The following RFX3 variants were observed in gnomAD, a reference collection of about 807,000 sequenced individuals.
RFX3 encodes the protein transcription factor RFX3.
A neutral mutation model predicts 98.6 loss-of-function variants in RFX3; 14 were observed. That is an observed-to-expected ratio of 0.14 (90% CI 0.09 to 0.22). The LOEUF (loss-of-function observed/expected upper bound fraction) is 0.22. Ranked by LOEUF, RFX3 falls within the 10% of genes least tolerant of loss-of-function variation. The pLI is 1.00. For missense variants in RFX3, 639 were observed against 926.9 expected (o/e 0.69, Z 4.03); for synonymous variants, 383 against 328.4 (o/e 1.17, Z -1.80).
At chr9:3,448,395 T>C (rs975960834) in intron 1 of RFX3, among the ~76,000 whole-genome samples, 1 of 152,186 alleles carries the variant, frequency 6.6e-6, no homozygotes, top group African/African-American at 2.4e-5. Flanking sequence ...AATAATTCCA[T>C]TTCGACCTTT....
At chr9:3,470,529 A>G (rs967851555) in intron 1 of RFX3, among the ~76,000 whole-genome samples, 9 of 150,442 alleles carry the variant, frequency 6.0e-5, no homozygotes, top group Middle Eastern at 3.5e-3. Flanking sequence ...GGGTTTCACC[A>G]TGTTAGCAAG....
intron 1 of RFX3, among the ~76,000 whole-genome samples, chr9:3,422,572 G>C (rs1455057755): frequency 6.6e-6 from 1 of 152,194 alleles, no homozygotes; most frequent in African/African-American, 2.4e-5. Flanking sequence ...GATCTTTTAA[G>C]TGATTTACAG....
intron 2 of RFX3, among the ~76,000 whole-genome samples, chr9:3,383,774 G>A (rs1839431622): frequency 1.3e-5 from 2 of 152,066 alleles, no homozygotes; most frequent in Non-Finnish European, 2.9e-5. Flanking sequence ...TTTCAGGCAG[G>A]GACAGAGTGT....
At chr9:3,302,462 C>T (rs906354874) in intron 4 of RFX3, among the ~76,000 whole-genome samples, 1 of 151,622 alleles carries the variant, frequency 6.6e-6, no homozygotes, top group African/African-American at 2.4e-5. Flanking sequence ...TTGCATGTTG[C>T]ATTAAAAACA....
chr9:3,316,412 G>A (rs1392775788), intron 4 of RFX3, among the ~76,000 whole-genome samples: 1 of 151,940 alleles, frequency 6.6e-6, no homozygotes, highest in Admixed American at 6.6e-5. Context: ...AACCCACAAC[G>A]AATATCATAC....
intron 1 of RFX3, among the ~76,000 whole-genome samples, chr9:3,447,710 T>C (rs1846169156): frequency 6.6e-6 from 1 of 152,172 alleles, no homozygotes. Flanking sequence ...CATGAAGGGA[T>C]AATAGTCTAT....
At chr9:3,344,710 G>A (rs1450123991) in intron 3 of RFX3, 4 of 594,458 alleles carry the variant, frequency 6.7e-6, no homozygotes, top group Admixed American at 3.3e-5. Flanking sequence ...AGACAAAGAT[G>A]AAATGACAAC....
intron 1 of RFX3, among the ~76,000 whole-genome samples, chr9:3,398,516 A>T (rs1841130696): frequency 6.6e-6 from 1 of 152,216 alleles, no homozygotes; most frequent in Admixed American, 6.5e-5. Context: ...GGTCTTTTTC[A>T]GCCTCTCTTG....
At chr9:3,298,355 C>A (rs1409468676) in intron 5 of RFX3, among the ~76,000 whole-genome samples, 1 of 151,736 alleles carries the variant, frequency 6.6e-6, no homozygotes, top group Non-Finnish European at 1.5e-5. Flanking sequence ...ACATATATAT[C>A]TACTTGAAGC....
At chr9:3,444,876 G>A (rs1845902088) in intron 1 of RFX3, among the ~76,000 whole-genome samples, 1 of 152,194 alleles carries the variant, frequency 6.6e-6, no homozygotes, top group African/African-American at 2.4e-5. Flanking sequence ...CTTTTTCTCA[G>A]TCACAGAAAG....
chr9:3,241,784 G>A (rs759940969), intron 15 of RFX3, among the ~76,000 whole-genome samples: 1 of 152,136 alleles, frequency 6.6e-6, no homozygotes, highest in African/African-American at 2.4e-5. Context: ...TTTTCCGGCA[G>A]ATTTAGTTTT....
At chr9:3,363,419 G>A (rs531217547) in intron 2 of RFX3, among the ~76,000 whole-genome samples, 18 of 152,054 alleles carry the variant, frequency 1.2e-4, no homozygotes, top group Non-Finnish European at 2.5e-4. Flanking sequence ...ACTTACTCCC[G>A]GTGTCTATTG....
At chr9:3,522,537 T>C (rs936757638) in intron 1 of RFX3, among the ~76,000 whole-genome samples, 1 of 149,644 alleles carries the variant, frequency 6.7e-6, no homozygotes, top group Admixed American at 6.7e-5. Flanking sequence ...CCTATTACTG[T>C]TCTGGAAAAG....
intron 6 of RFX3, among the ~76,000 whole-genome samples, chr9:3,292,083 A>C (rs1452046433): frequency 1.9e-4 from 28 of 144,602 alleles, no homozygotes; most frequent in Non-Finnish European, 3.1e-4. Context: ...AAAAAAAAAA[A>C]AAAAAAAAAA....
intron 2 of RFX3, among the ~76,000 whole-genome samples, chr9:3,370,159 A>G (rs1179135577): frequency 1.3e-5 from 2 of 149,034 alleles, no homozygotes; most frequent in Non-Finnish European, 3.0e-5. Context: ...TTTTTTTAAG[A>G]CTGCTGGTTA....
intron 3 of RFX3, among the ~76,000 whole-genome samples, chr9:3,333,157 A>T (rs1263401011): frequency 2.0e-5 from 3 of 152,226 alleles, no homozygotes. Flanking sequence ...GGTAGACGTA[A>T]TAGCCAGTTT....
At chr9:3,233,753 A>C (rs1818783649) in intron 15 of RFX3, among the ~76,000 whole-genome samples, 1 of 152,238 alleles carries the variant, frequency 6.6e-6, no homozygotes, top group Admixed American at 6.5e-5. Flanking sequence ...GTTTAAGCAA[A>C]TCTGTAACAA....
intron 1 of RFX3, among the ~76,000 whole-genome samples, chr9:3,489,939 G>C (rs1850607072): frequency 6.6e-6 from 1 of 152,074 alleles, no homozygotes; most frequent in Admixed American, 6.6e-5. Context: ...AGGATTGGTT[G>C]GGATGGGAAG....
At chr9:3,505,053 T>A (rs1339776207) in intron 1 of RFX3, among the ~76,000 whole-genome samples, 3 of 91,346 alleles carry the variant, frequency 3.3e-5, no homozygotes, top group Admixed American at 3.6e-4. Flanking sequence ...TTATATTATA[T>A]ATAAAATATA....
Sources: gnomAD v4.1 joint callset for allele counts (sites outside exome capture counted in the v4.1 genomes callset) on GRCh38, gnomAD v4.1.1 for gene constraint, MANE v1.5 for transcripts, NCBI Gene and HGNC (gene_info 2026-07-23, HGNC 2026-07-21) for gene names.